MICAL2: variants seen among roughly 807,000 people sequenced by gnomAD.
The protein encoded by MICAL2 is microtubule associated monooxygenase, calponin and LIM domain containing 2.
Under a neutral mutation model 127.3 loss-of-function variants are expected in MICAL2, and 77 were observed. That is an observed-to-expected ratio of 0.60 (90% confidence interval 0.50 to 0.73). MICAL2 has a LOEUF of 0.73. MICAL2 is among the 30% of genes least tolerant of loss of function. MICAL2 has a pLI of 0.00. For synonymous variants in MICAL2, 570 were observed against 551.1 expected (o/e 1.03, Z -0.48); for missense variants, 1,351 against 1,434.4 (o/e 0.94, Z 0.94).
rs910528824 is a variant in MICAL2 at position 12,286,056 on chromosome 11, C to A, written c.255-1031C>A. Among the ~76,000 whole-genome samples, 10 of 152,350 alleles carry A rather than the reference C, an allele frequency of 6.6e-5. No homozygotes were observed. In the South Asian group the frequency reaches 1.9e-3, roughly 28 times the overall value. ...CAGGGAACACGTGGACCCCACTGCC[C>A]ACTCTCACACCCTAAGTGACCAAGA... On this transcript the variant is annotated intron_variant, in intron 2 of 2. Transcript: ENST00000529028.
downstream of MICAL2, among the ~76,000 whole-genome samples, chr11:12,267,134 G>T (rs1863617508): frequency 6.6e-6 from 1 of 152,164 alleles, no homozygotes; most frequent in South Asian, 2.1e-4. Context: ...CCAGGCCTCA[G>T]CTCTGGAGCT....
chr11:12,324,056 C>T, exon 31 of MICAL2: 2 of 1,612,684 alleles, frequency 1.2e-6, no homozygotes, highest in Non-Finnish European at 1.7e-6. Flanking sequence ...ATTGAAAAGA[C>T]TCTATAAGGC....
intron 1 of MICAL2, among the ~76,000 whole-genome samples, chr11:12,124,654 T>TA (rs1342387309): frequency 6.6e-6 from 1 of 152,140 alleles, no homozygotes; most frequent in Non-Finnish European, 1.5e-5. Flanking sequence ...ATATCCTTTT[T>TA]AAAAAACAAA....
At chr11:12,243,961 G>C in intron 20 of MICAL2, 26 bp from the exon 21 acceptor site, 1 of 1,612,796 alleles carries the variant, frequency 6.2e-7, no homozygotes, top group East Asian at 2.2e-5. Context: ...GATAATCCTT[G>C]TTTCTTCTAT....
chr11:12,343,909 G>C (rs1426782024), intron 32 of MICAL2, among the ~76,000 whole-genome samples: 1 of 152,224 alleles, frequency 6.6e-6, no homozygotes, highest in African/African-American at 2.4e-5. Flanking sequence ...TGAGAGAGCT[G>C]TAAGGCCAGG....
chr11:12,267,969 C>T (rs950673880), downstream of MICAL2, among the ~76,000 whole-genome samples: 3 of 152,242 alleles, frequency 2.0e-5, no homozygotes, highest in South Asian at 6.2e-4. Flanking sequence ...AATGCAAACT[C>T]CATGAGGGCA....
intron 3 of MICAL2, chr11:12,197,381 G>A (rs1479755809): frequency 6.6e-6 from 1 of 152,240 alleles, no homozygotes; most frequent in Non-Finnish European, 1.5e-5. Context: ...ATTTCTTATA[G>A]TATGCTTAGC....
At chr11:12,226,952 C>A (rs1249854277) in intron 14 of MICAL2, 73 bp from the exon 15 acceptor site, 6 of 1,229,100 alleles carry the variant, frequency 4.9e-6, no homozygotes, top group Non-Finnish European at 6.0e-6. Flanking sequence ...CACACCCAGC[C>A]AACACCTCCT....
chr11:12,262,598 C>A, intron 27 of MICAL2, 61 bp downstream of exon 27: 1 of 1,380,248 alleles, frequency 7.2e-7, no homozygotes, highest in Non-Finnish European at 1.0e-6. Context: ...GCTTTCCGCA[C>A]CCCGTCCTCT....
chr11:12,197,092 A>C (rs1265385656), intron 3 of MICAL2, among the ~76,000 whole-genome samples: 1 of 152,222 alleles, frequency 6.6e-6, no homozygotes, highest in Non-Finnish European at 1.5e-5. Context: ...TCTAGTTCCC[A>C]GCCAATTTCC....
At chr11:12,346,407 A>G (rs910862888) in intron 32 of MICAL2, among the ~76,000 whole-genome samples, 1 of 152,246 alleles carries the variant, frequency 6.6e-6, no homozygotes, top group African/African-American at 2.4e-5. Flanking sequence ...TAATTGCTCA[A>G]GCCCACACAA....
intron 34 of MICAL2, among the ~76,000 whole-genome samples, chr11:12,356,765 TG>T (rs2134912683): frequency 6.6e-6 from 1 of 152,288 alleles, no homozygotes; most frequent in South Asian, 2.1e-4. Flanking sequence ...CTGGTAACAG[TG>T]GGGCAAGTGG....
At chr11:12,336,270 A>G (rs577234048) in intron 32 of MICAL2, among the ~76,000 whole-genome samples, 1 of 152,292 alleles carries the variant, frequency 6.6e-6, no homozygotes, top group South Asian at 2.1e-4. Flanking sequence ...TTATTGGTGT[A>G]TAAGAATGTC....
chr11:12,152,297 C>CAAAAAAAAAAAAAAAAA (rs540812572), intron 2 of MICAL2, among the ~76,000 whole-genome samples: 4 of 38,396 alleles, frequency 1.0e-4, no homozygotes, highest in African/African-American at 2.9e-4. Flanking sequence ...GACTCTGTCT[C>CAAAAAAAAAAAAAAAAA]AAAAAAAAAA....
At chr11:12,340,896 A>C (rs535561652) in intron 32 of MICAL2, among the ~76,000 whole-genome samples, 28 of 152,342 alleles carry the variant, frequency 1.8e-4, no homozygotes, top group Admixed American at 1.4e-3. Flanking sequence ...GAAAGATTAG[A>C]ATTTTTATTT....
chr11:12,118,856 T>C (rs1456113176), intron 1 of MICAL2, among the ~76,000 whole-genome samples: 2 of 151,964 alleles, frequency 1.3e-5, no homozygotes, highest in Non-Finnish European at 2.9e-5. Flanking sequence ...AATGTCAGGG[T>C]TTTTGTTGTT....
downstream of MICAL2, chr11:12,294,680 AG>A (rs1863956720): frequency 6.2e-7 from 1 of 1,614,086 alleles, no homozygotes; most frequent in African/African-American, 1.3e-5. Flanking sequence ...ATCCAGACAA[AG>A]AAAGGACATC....
intron 2 of MICAL2, among the ~76,000 whole-genome samples, chr11:12,156,202 A>G (rs1338063341): frequency 6.6e-6 from 1 of 152,120 alleles, no homozygotes; most frequent in Non-Finnish European, 1.5e-5. Flanking sequence ...TACCTCCTGG[A>G]AACTTGGTTG....
At chr11:12,295,052 C>G (rs982127695), downstream of MICAL2, among the ~76,000 whole-genome samples, 8 of 152,044 alleles carry the variant, frequency 5.3e-5, no homozygotes, top group African/African-American at 1.9e-4. Context: ...TGAAAAGAGA[C>G]CAATCAACCA....
Sources: gnomAD v4.1 joint callset for allele counts (sites outside exome capture counted in the v4.1 genomes callset) on GRCh38, gnomAD v4.1.1 for gene constraint, MANE v1.5 for transcripts, NCBI Gene and HGNC (gene_info 2026-07-23, HGNC 2026-07-21) for gene names.